The following SPTLC1 variants were observed in gnomAD, a reference collection of about 807,000 sequenced individuals.
The protein encoded by SPTLC1 is serine palmitoyltransferase long chain base subunit 1, also known as serine palmitoyltransferase 1.
SPTLC1 carries 55 observed loss-of-function variants against 68.9 expected under a neutral mutation model. The observed-to-expected ratio is 0.80, with a 90% CI of 0.64 to 1.00. SPTLC1 has a LOEUF of 1.00. Ranked by LOEUF, SPTLC1 falls within the 50% of genes least tolerant of loss-of-function variation. SPTLC1 has a pLI of 0.00. For synonymous variants in SPTLC1, 197 were observed against 201.6 expected, an observed-to-expected ratio of 0.98 and a Z score of 0.19; for missense variants, 449 against 573.1, an observed-to-expected ratio of 0.78 and a Z score of 2.21.
chr9:92,079,472 T>C, intron 5 of SPTLC1: 4 of 1,612,470 alleles, frequency 2.5e-6, no homozygotes, highest in Non-Finnish European at 2.5e-6. Flanking sequence ...CCCAGGGAAT[T>C]CACTGTATTT....
intron 6 of SPTLC1, among the ~76,000 whole-genome samples, chr9:92,067,310 A>C (rs901465753): frequency 6.6e-6 from 1 of 151,666 alleles, no homozygotes; most frequent in Non-Finnish European, 1.5e-5. Context: ...CACACAAAAA[A>C]AAAAAAAACA....
chr9:92,069,052 T>C (rs1564098085), intron 5 of SPTLC1, among the ~76,000 whole-genome samples: 1 of 152,028 alleles, frequency 6.6e-6, no homozygotes, highest in African/African-American at 2.4e-5. Context: ...CCTCCAGTCT[T>C]AGAGCGCTAT....
intron 3 of SPTLC1, among the ~76,000 whole-genome samples, chr9:92,107,217 G>A (rs1373986426): frequency 1.3e-5 from 2 of 152,192 alleles, no homozygotes; most frequent in African/African-American, 2.4e-5. Flanking sequence ...TGGTATACAT[G>A]AATGAGTCTC....
chr9:92,068,382 A>G (rs888281108), intron 5 of SPTLC1, among the ~76,000 whole-genome samples: 1 of 152,240 alleles, frequency 6.6e-6, no homozygotes, highest in East Asian at 1.9e-4. Context: ...CTACTGTAAG[A>G]CTTCAAGGCC....
At chr9:92,045,347 ATT>A (rs574385832) in intron 12 of SPTLC1, among the ~76,000 whole-genome samples, 42 of 140,178 alleles carry the variant, frequency 3.0e-4, no homozygotes, top group Admixed American at 3.6e-4. Context: ...ACCAACCTCC[ATT>A]TTTTTTTTTT....
At position 92,079,074 on chromosome 9, in the gene SPTLC1, TTTTA is replaced by T. The variant is rs961392104; in HGVS notation, c.427+938_427+941del. 6.7e-5 allele frequency: 60 copies of T among 892,584 alleles called. No homozygotes were observed. The East Asian group carries it at 1.3e-3, about 19-fold the overall frequency. The allele number at this position is 892,584 out of a possible 1,614,324, so 55.3% of individuals were successfully genotyped here. ...TCCAGCAATAAATTCATTTAAACAA[TTTTA>T]TTTATTTATTTATTTTTGAGACAGT... On this transcript the variant is annotated intron_variant, in intron 5 of 14. Transcript: ENST00000262554.
intron 13 of SPTLC1, among the ~76,000 whole-genome samples, chr9:92,036,007 C>T (rs1312757848): frequency 6.6e-6 from 1 of 152,168 alleles, no homozygotes; most frequent in Non-Finnish European, 1.5e-5. Context: ...ATCTACAAAG[C>T]TTAAATAAGA....
In SPTLC1 at chr9:92,085,317, C is replaced by G. The variant is rs1405326781; in HGVS notation, c.261-4354G>C. Reference sequence around the variant, plus strand: ...TGTGTTTGCTCTTGCTTTTCTAGTTCTTTTAATTGTGATGTTAGGGTGTCA... The same window carrying G: ...TGTGTTTGCTCTTGCTTTTCTAGTTGTTTTAATTGTGATGTTAGGGTGTCA... On this transcript the variant is annotated intron_variant, in intron 3 of 14. Transcript: ENST00000262554. Among the ~76,000 whole-genome samples, 3 of 146,492 alleles carry G rather than the reference C, an allele frequency of 2.0e-5. No individual in the cohort carries two copies. The East Asian group carries it at 6.0e-4, about 29-fold the overall frequency.
At chr9:92,055,194 C>T (rs1833843293) in intron 8 of SPTLC1, 1 of 982,826 alleles carries the variant, frequency 1.0e-6, no homozygotes, top group African/African-American at 1.7e-5. Context: ...CCACTGCACT[C>T]CAGCCTGGGC....
At chr9:92,079,322 T>G (rs1400918697) in intron 5 of SPTLC1, 1 of 1,222,034 alleles carries the variant, frequency 8.2e-7, no homozygotes, top group East Asian at 2.8e-5. Context: ...GTGATCTGCC[T>G]GCCTCAGCCT....
chr9:92,052,823 T>G (rs1313319176), intron 8 of SPTLC1, among the ~76,000 whole-genome samples: 2 of 151,916 alleles, frequency 1.3e-5, no homozygotes, highest in Non-Finnish European at 2.9e-5. Context: ...TGAGCCACCG[T>G]GCCCGGCCAG....
intron 11 of SPTLC1, 153 bp from the exon 12 acceptor site, chr9:92,046,206 G>A: frequency 1.4e-6 from 1 of 711,542 alleles, no homozygotes; most frequent in East Asian, 2.7e-5. Context: ...CTCCCCTGAA[G>A]GCCCAAGCTT....
intron 3 of SPTLC1, among the ~76,000 whole-genome samples, chr9:92,083,801 G>C (rs1205475338): frequency 6.6e-6 from 1 of 152,132 alleles, no homozygotes; most frequent in Non-Finnish European, 1.5e-5. Context: ...GCTTGATGGG[G>C]ATGGCATTGA....
At chr9:92,100,579 G>A (rs1835709933) in intron 3 of SPTLC1, among the ~76,000 whole-genome samples, 1 of 152,042 alleles carries the variant, frequency 6.6e-6, no homozygotes, top group Non-Finnish European at 1.5e-5. Flanking sequence ...GGTGTTTCTA[G>A]GTGATCCCCA....
intron 5 of SPTLC1, 111 bp from the exon 6 acceptor site, chr9:92,068,209 G>T (rs1834360769): frequency 3.0e-6 from 3 of 1,003,876 alleles, no homozygotes; most frequent in African/African-American, 3.3e-5. Context: ...TTCACCTTAT[G>T]GCCAAAATGG....
rs1832983830 is a variant in SPTLC1, at chr9:92,032,168, C to T, written c.*297G>A. 2 of 965,302 alleles carry T rather than the reference C, an allele frequency of 2.1e-6. No individual in the cohort carries two copies. The highest frequency in any genetic ancestry group is 1.6e-5 in the African/African-American group (1 of 60,784). 59.8% of individuals were successfully genotyped at this position (965,302 alleles called of 1,614,324 possible). A position where few individuals can be genotyped will look rare whatever the true frequency, so the allele number is the denominator to read the frequency against. ...AACGACAACAAAAGAATATAAAATA[C>T]TAGTATAAGAAAACATTTAAATAGT... is the stretch of plus-strand genomic sequence containing the variant. On this transcript the variant is annotated 3_prime_UTR_variant, in exon 15 of 15. Transcript: ENST00000262554.
intron 5 of SPTLC1, chr9:92,079,547 A>G: frequency 6.2e-7 from 1 of 1,613,814 alleles, no homozygotes; most frequent in Non-Finnish European, 8.5e-7. Flanking sequence ...CAAGGAAATC[A>G]ATGATCCTTC....
chr9:92,077,586 A>G (rs1834727449), intron 5 of SPTLC1, among the ~76,000 whole-genome samples: 1 of 152,072 alleles, frequency 6.6e-6, no homozygotes, highest in Non-Finnish European at 1.5e-5. Context: ...CACATTCCTG[A>G]AAAAGAACAA....
At chr9:92,094,058 G>A (rs150449142) in intron 3 of SPTLC1, among the ~76,000 whole-genome samples, 1 of 152,310 alleles carries the variant, frequency 6.6e-6, no homozygotes, top group East Asian at 1.9e-4. Context: ...AGGTATTTTA[G>A]AAAAGATAAC....
Sources: allele counts gnomAD v4.1 joint callset (sites outside exome capture counted in the v4.1 genomes callset), GRCh38; gene constraint gnomAD v4.1.1; transcripts MANE v1.5; gene names NCBI Gene and HGNC (gene_info 2026-07-23, HGNC 2026-07-21).